Variants in TBC1D22A observed in about 807,000 individuals in gnomAD.
The protein encoded by TBC1D22A is TBC1 domain family member 22A.
Under a neutral mutation model 60.2 loss-of-function variants are expected in TBC1D22A, and 38 were observed. The observed-to-expected ratio is 0.63, with a 90% confidence interval of 0.49 to 0.83. The LOEUF is 0.83. TBC1D22A is among the 40% of genes least tolerant of loss of function. TBC1D22A has a pLI of 0.00. For missense variants in TBC1D22A, 628 were observed against 701.0 expected (o/e 0.90, Z 1.18); for synonymous variants, 302 against 281.7 (o/e 1.07, Z -0.72).
chr22:46,769,786 A>G (rs2083425679), intron 1 of TBC1D22A, among the ~76,000 whole-genome samples: 1 of 152,094 alleles, frequency 6.6e-6, no homozygotes, highest in African/African-American at 2.4e-5. Context: ...GTCATCCTTG[A>G]AGAGAGGGCG....
chr22:47,023,683 C>A (rs2062161292), intron 10 of TBC1D22A, among the ~76,000 whole-genome samples: 1 of 152,232 alleles, frequency 6.6e-6, no homozygotes, highest in African/African-American at 2.4e-5. Context: ...GACAAGGGAG[C>A]AGCCTGTTTG....
chr22:47,025,956 A>G (rs2062242862), intron 10 of TBC1D22A, among the ~76,000 whole-genome samples: 2 of 152,228 alleles, frequency 1.3e-5, no homozygotes, highest in African/African-American at 4.8e-5. Flanking sequence ...GTTGTAGAGA[A>G]GTGCAGACTG....
At chr22:46,913,735 A>G in intron 8 of TBC1D22A, 1 of 985,440 alleles carries the variant, frequency 1.0e-6, no homozygotes, top group Non-Finnish European at 1.2e-6. Context: ...TAGAGAATTG[A>G]TATTCCATGT....
chr22:46,838,079 TAAAC>T (rs1428893377), intron 4 of TBC1D22A, among the ~76,000 whole-genome samples: 1 of 151,810 alleles, frequency 6.6e-6, no homozygotes, highest in Non-Finnish European at 1.5e-5. Context: ...AAGTTGCAAA[TAAAC>T]AGCCCAACTT....
At chr22:46,827,734 C>T (rs953353192) in intron 4 of TBC1D22A, among the ~76,000 whole-genome samples, 5 of 152,126 alleles carry the variant, frequency 3.3e-5, no homozygotes, top group African/African-American at 1.2e-4. Context: ...TGACCTATGA[C>T]TCCTCTCTTC....
At chr22:46,815,009 C>A (rs1409156140) in intron 4 of TBC1D22A, among the ~76,000 whole-genome samples, 3 of 152,182 alleles carry the variant, frequency 2.0e-5, no homozygotes, top group Non-Finnish European at 4.4e-5. Flanking sequence ...TCTTTGAAAA[C>A]ATGATTGTTC....
At chr22:47,060,969 C>T (rs910874775) in intron 11 of TBC1D22A, among the ~76,000 whole-genome samples, 1 of 152,200 alleles carries the variant, frequency 6.6e-6, no homozygotes, top group Non-Finnish European at 1.5e-5. Context: ...ATTTGCAGCC[C>T]CTGGAATGAC....
At chr22:46,961,627 C>T (rs551059834) in intron 8 of TBC1D22A, among the ~76,000 whole-genome samples, 32 of 152,168 alleles carry the variant, frequency 2.1e-4, no homozygotes, top group Non-Finnish European at 3.2e-4. Flanking sequence ...GTGAACATGG[C>T]GAAGAAGCTT....
intron 8 of TBC1D22A, among the ~76,000 whole-genome samples, chr22:46,941,480 T>G (rs868483321): frequency 2.6e-5 from 3 of 115,256 alleles, no homozygotes; most frequent in African/African-American, 9.5e-5. Context: ...GGAATATATA[T>G]ACGGAATATA....
chr22:47,113,842 A>G (rs2065935192), intron 12 of TBC1D22A, among the ~76,000 whole-genome samples: 1 of 152,122 alleles, frequency 6.6e-6, no homozygotes, highest in African/African-American at 2.4e-5. Context: ...GACAGGAGAT[A>G]GGGACAGCTG....
intron 8 of TBC1D22A, among the ~76,000 whole-genome samples, chr22:46,973,219 T>C (rs1464069808): frequency 1.3e-5 from 2 of 152,192 alleles, no homozygotes; most frequent in Non-Finnish European, 2.9e-5. Flanking sequence ...CTTAGGGACC[T>C]GGGTTCTGGG....
chr22:46,799,907 G>A (rs952587641), intron 4 of TBC1D22A, among the ~76,000 whole-genome samples: 1 of 152,240 alleles, frequency 6.6e-6, no homozygotes, highest in Non-Finnish European at 1.5e-5. Context: ...GGTGGCGTCT[G>A]CCAGCTCTTT....
intron 4 of TBC1D22A, among the ~76,000 whole-genome samples, chr22:46,860,642 C>T (rs1044959845): frequency 1.3e-5 from 2 of 151,956 alleles, no homozygotes; most frequent in East Asian, 3.9e-4. Flanking sequence ...GTGCCCCTTC[C>T]CGGAACCAGA....
chr22:47,095,911 C>G (rs936319574), intron 11 of TBC1D22A, among the ~76,000 whole-genome samples: 8 of 152,180 alleles, frequency 5.3e-5, no homozygotes, highest in African/African-American at 1.9e-4. Context: ...GGAGGCTGGC[C>G]CTGTCCACTC....
intron 4 of TBC1D22A, among the ~76,000 whole-genome samples, chr22:46,813,195 G>A (rs769769849): frequency 1.3e-4 from 20 of 152,084 alleles, no homozygotes; most frequent in Non-Finnish European, 2.5e-4. Context: ...AGTGTATATT[G>A]AATTCGTAAG....
intron 8 of TBC1D22A, among the ~76,000 whole-genome samples, chr22:46,959,543 T>C (rs2073384952): frequency 6.6e-6 from 1 of 152,216 alleles, no homozygotes; most frequent in African/African-American, 2.4e-5. Flanking sequence ...GTTTCCTTGC[T>C]GCCACACTGG....
chr22:46,846,942 A>T (rs895061477), intron 4 of TBC1D22A, among the ~76,000 whole-genome samples: 4 of 152,210 alleles, frequency 2.6e-5, no homozygotes, highest in Admixed American at 1.3e-4. Context: ...CGGTTTTCAG[A>T]ACCCGGTGCT....
At chr22:46,926,342 C>G (rs1401909757) in intron 8 of TBC1D22A, among the ~76,000 whole-genome samples, 1 of 152,134 alleles carries the variant, frequency 6.6e-6, no homozygotes, top group Non-Finnish European at 1.5e-5. Flanking sequence ...TGTAGCTAGA[C>G]TGACCAGAGA....
At chr22:47,052,674 C>G (rs80316013) in intron 11 of TBC1D22A, among the ~76,000 whole-genome samples, 6,030 of 152,312 alleles carry the variant, frequency 0.04, 151 homozygotes, top group South Asian at 0.063. Flanking sequence ...CGGCTGGAGG[C>G]TCTGCCTGTC....
Sources: allele counts gnomAD v4.1 joint callset (sites outside exome capture counted in the v4.1 genomes callset), GRCh38; gene constraint gnomAD v4.1.1; transcripts MANE v1.5; gene names NCBI Gene and HGNC (gene_info 2026-07-23, HGNC 2026-07-21).